The following NUP214 variants were observed in gnomAD, a reference collection of about 807,000 sequenced individuals.
NUP214 encodes the protein nucleoporin 214, also known as nuclear pore complex protein Nup214.
Under a neutral mutation model 196.2 loss-of-function variants are expected in NUP214, and 79 were observed. The observed-to-expected ratio is 0.40, with a 90% CI of 0.34 to 0.49. The LOEUF is 0.49. Ranked by LOEUF, NUP214 falls within the 20% of genes least tolerant of loss-of-function variation. NUP214 has a pLI of 0.58. For missense variants in NUP214, 2,468 were observed against 2,539.0 expected, an observed-to-expected ratio of 0.97 and a Z score of 0.60; for synonymous variants, 1,020 against 990.5, an observed-to-expected ratio of 1.03 and a Z score of -0.56.
intron 30 of NUP214, among the ~76,000 whole-genome samples, chr9:131,213,392 C>G (rs1418412964): frequency 6.6e-6 from 1 of 152,152 alleles, no homozygotes; most frequent in African/African-American, 2.4e-5. Flanking sequence ...TCAGGCTGGT[C>G]TTGAGCTCCC....
At chr9:131,215,762 TCTC>T (rs1165615118) in intron 31 of NUP214, among the ~76,000 whole-genome samples, 3 of 152,182 alleles carry the variant, frequency 2.0e-5, no homozygotes, top group African/African-American at 7.2e-5. Flanking sequence ...TGGATAGTAC[TCTC>T]CAAATTTTCC....
chr9:131,224,628 G>A (rs1834675001), intron 32 of NUP214, among the ~76,000 whole-genome samples: 1 of 152,202 alleles, frequency 6.6e-6, no homozygotes, highest in Non-Finnish European at 1.5e-5. Context: ...AAGTGCTGTG[G>A]TTTCCAAATC....
chr9:131,192,982 G>GA (rs1833654178), intron 27 of NUP214, among the ~76,000 whole-genome samples: 1 of 143,242 alleles, frequency 7.0e-6, no homozygotes, highest in Non-Finnish European at 1.5e-5. Context: ...TTACTGCATC[G>GA]AGAGTACAGT....
At chr9:131,130,968 G>T in intron 5 of NUP214, 132 bp downstream of exon 5, 1 of 679,756 alleles carries the variant, frequency 1.5e-6, no homozygotes. Flanking sequence ...ATCAGTGAAT[G>T]AAGAGTGGAA....
At chr9:131,175,807 T>G (rs1021610504) in intron 23 of NUP214, 186 bp downstream of exon 23, 34 of 888,348 alleles carry the variant, frequency 3.8e-5, no homozygotes. Context: ...TCTGAAAATC[T>G]TTGCTTTTAA....
intron 30 of NUP214, among the ~76,000 whole-genome samples, chr9:131,207,210 G>A (rs558627947): frequency 7.9e-5 from 12 of 152,362 alleles, no homozygotes; most frequent in Admixed American, 5.2e-4. Flanking sequence ...ATTTACTGCT[G>A]TATAACAAAT....
chr9:131,128,212 T>C, intron 2 of NUP214, 120 bp from the exon 3 acceptor site: 1 of 665,914 alleles, frequency 1.5e-6, no homozygotes, highest in Non-Finnish European at 2.5e-6. Flanking sequence ...TATAACTAGG[T>C]ATTGGGGTGT....
intron 33 of NUP214, 179 bp from the exon 34 acceptor site, chr9:131,230,451 T>G: frequency 3.1e-6 from 2 of 638,252 alleles, no homozygotes; most frequent in Non-Finnish European, 5.4e-6. Flanking sequence ...AGAGCAGAGA[T>G]AAAAGTTGGC....
chr9:131,182,164 C>G (rs1263885813), intron 24 of NUP214, among the ~76,000 whole-genome samples: 1 of 152,208 alleles, frequency 6.6e-6, no homozygotes, highest in Non-Finnish European at 1.5e-5. Flanking sequence ...TACATGTGCA[C>G]TTAAAAATGG....
At chr9:131,222,593 C>T in intron 31 of NUP214, 185 bp from the exon 32 acceptor site, 1 of 549,740 alleles carries the variant, frequency 1.8e-6, no homozygotes, top group Non-Finnish European at 3.1e-6. Flanking sequence ...TAAAAACTTC[C>T]CAGCAAGGTG....
rs978198060 is a variant in NUP214 at position 131,195,268 on chromosome 9, C to T, written c.3695C>T (p.Pro1232Leu). 19 of 1,613,264 alleles carry T rather than the reference C, an allele frequency of 1.2e-5. No homozygotes were observed. The highest frequency in any genetic ancestry group is 6.7e-5 in the Admixed American group (4 of 59,956). Residue 1232 changes from proline (P) to leucine (L), a missense_variant, in exon 28 of 36, where the codon CCG becomes CTG. Transcript: ENST00000359428. ...AATTTTGGGATAATCACACCAACAC[C>T]GTCTTCTAATTTCACTGCTGCACAA... ...GFNFGIITPT[P>L]SSNFTAAQGA...
intron 31 of NUP214, among the ~76,000 whole-genome samples, chr9:131,222,007 A>G (rs1834572301): frequency 6.6e-6 from 1 of 152,182 alleles, no homozygotes; most frequent in Admixed American, 6.5e-5. Context: ...CTTGGTTTTT[A>G]GTAGTTTCCT....
At position 131,163,955 on chromosome 9, in the gene NUP214, G is replaced by A; in HGVS notation, c.2809G>A (p.Ala937Thr). 6.2e-7 allele frequency: 1 copy of A among 1,613,962 alleles called. No homozygotes were observed. The highest frequency in any genetic ancestry group is 2.2e-5 in the East Asian group (1 of 44,862). ...SHTKSLPKVPAKLSPMKQAQL... is the reference protein window; with the variant it reads ...SHTKSLPKVPTKLSPMKQAQL... ...CACCAAATCCTTGCCCAAAGTACCA[G>A]GTAATTGCATCCTTCCCAGTCTTTT... The change falls in exon 20 of 36, where the codon GCC becomes ACC. Residue 937 changes from alanine to threonine, a missense_variant and splice_region_variant. Coordinates refer to ENST00000359428, the MANE Select transcript of NUP214 (RefSeq NM_005085.4).
rs201552770 is a variant in NUP214 at position 131,132,615 on chromosome 9, T to C, written c.683T>C (p.Val228Ala). ...QYLPTLQEKK[V>A]IPCPPFYESD... is the part of the protein sequence containing the mutation. Reference sequence around the variant, plus strand: ...TTTCAGACTTTGCAGGAAAAAAAAGTCATTCCTTGTCCTCCGTTTTATGAG... The same window carrying C: ...TTTCAGACTTTGCAGGAAAAAAAAGCCATTCCTTGTCCTCCGTTTTATGAG... The change falls in exon 6 of 36, where the codon GTC (valine) becomes GCC (alanine). Residue 228 changes from valine to alanine, a missense_variant. By Grantham distance (64) the Val-to-Ala change is moderately conservative. Around this residue, in one of 5 missense-constraint regions of NUP214, gnomAD observed 392 missense variants for 417.9 expected, o/e 0.94. Coordinates refer to ENST00000359428, the MANE Select transcript of NUP214 (RefSeq NM_005085.4). 3.5e-5 allele frequency: 57 copies of C among 1,614,150 alleles called. No individual in the cohort carries two copies. In the South Asian group the frequency reaches 6.1e-4, roughly 17 times the overall value.
At chr9:131,199,272 A>C (rs563041564) in intron 29 of NUP214, among the ~76,000 whole-genome samples, 44 of 152,284 alleles carry the variant, frequency 2.9e-4, no homozygotes, top group African/African-American at 1.1e-3. Context: ...AGTGTGTTTC[A>C]TGGGGAAAAA....
intron 32 of NUP214, among the ~76,000 whole-genome samples, chr9:131,224,257 G>T (rs1834665232): frequency 6.6e-6 from 1 of 152,114 alleles, no homozygotes; most frequent in East Asian, 1.9e-4. Flanking sequence ...AATTTTTAAT[G>T]AACAGTGTAT....
intron 33 of NUP214, chr9:131,229,220 T>G (rs1413480817): frequency 6.3e-6 from 1 of 157,702 alleles, no homozygotes; most frequent in Non-Finnish European, 1.4e-5. Context: ...ATGTTCTTAC[T>G]CACACCCTTC....
intron 27 of NUP214, among the ~76,000 whole-genome samples, chr9:131,194,627 G>GT (rs1377804227): frequency 6.6e-6 from 1 of 152,154 alleles, no homozygotes; most frequent in Non-Finnish European, 1.5e-5. Context: ...TAAAGAAAAC[G>GT]TACAAAAGGA....
At chr9:131,153,922 T>A (rs961185332) in intron 17 of NUP214, among the ~76,000 whole-genome samples, 6 of 152,328 alleles carry the variant, frequency 3.9e-5, no homozygotes, top group Middle Eastern at 3.4e-3. Flanking sequence ...GATATGTTGC[T>A]ATGGGACCAC....
Sources: gnomAD v4.1 joint callset for allele counts (sites outside exome capture counted in the v4.1 genomes callset) on GRCh38, gnomAD v4.1.1 for gene constraint, gnomAD v4.1.1 regional missense constraint, MANE v1.5 for transcripts, NCBI Gene and HGNC (gene_info 2026-07-23, HGNC 2026-07-21) for gene names.